Variants in ATF2 observed in about 807,000 individuals in gnomAD.
The protein encoded by ATF2 is cyclic AMP-dependent transcription factor ATF-2.
A neutral mutation model predicts 60.6 loss-of-function variants in ATF2; 24 were observed. That is an observed-to-expected ratio of 0.40 (90% CI 0.29 to 0.56). The LOEUF (loss-of-function observed/expected upper bound fraction) is 0.56. Among genes scored for constraint, ATF2 ranks in the 20% least tolerant of loss-of-function variants. The probability of loss-of-function intolerance (pLI) is 0.54; values close to 1 mark genes in which losing one functional copy is unlikely to be tolerated. For missense variants in ATF2, 433 were observed against 607.7 expected (o/e 0.71, Z 3.02); for synonymous variants, 206 against 215.4 (o/e 0.96, Z 0.38).
chr2:175,145,132 GTCA>G (rs1214057665), intron 2 of ATF2, among the ~76,000 whole-genome samples: 1 of 152,158 alleles, frequency 6.6e-6, no homozygotes, highest in East Asian at 1.9e-4. Flanking sequence ...CGCATATGTG[GTCA>G]TGTAGGTCCC....
chr2:175,101,335 G>A (rs943676504), intron 10 of ATF2, among the ~76,000 whole-genome samples: 3 of 152,144 alleles, frequency 2.0e-5, no homozygotes, highest in Non-Finnish European at 4.4e-5. Context: ...CAAAGGGAGA[G>A]AGTCTTGGGA....
chr2:175,087,898 C>T (rs1456330137), intron 12 of ATF2, among the ~76,000 whole-genome samples: 4 of 152,176 alleles, frequency 2.6e-5, no homozygotes, highest in Admixed American at 1.3e-4. Flanking sequence ...CCTATTCTCA[C>T]ACTTTAATTA....
chr2:175,151,311 T>C (rs1211711255), intron 1 of ATF2, among the ~76,000 whole-genome samples, 153 bp from the exon 2 acceptor site: 2 of 152,184 alleles, frequency 1.3e-5, no homozygotes, highest in Admixed American at 6.5e-5. Context: ...TCCATGTTTT[T>C]CAATATAAAA....
intron 1 of ATF2, among the ~76,000 whole-genome samples, chr2:175,158,234 ATT>A (rs34664149): frequency 6.7e-4 from 89 of 132,612 alleles, no homozygotes; most frequent in Admixed American, 7.7e-4. Flanking sequence ...TGAATTCAGG[ATT>A]TTTTTTTTTT....
chr2:175,127,822 A>T (rs913306453), intron 4 of ATF2, among the ~76,000 whole-genome samples: 1 of 152,204 alleles, frequency 6.6e-6, no homozygotes, highest in African/African-American at 2.4e-5. Context: ...AAATTGCATT[A>T]ACCCTGATAA....
At chr2:175,146,604 T>C (rs1698969079) in intron 2 of ATF2, among the ~76,000 whole-genome samples, 1 of 150,128 alleles carries the variant, frequency 6.7e-6, no homozygotes, top group African/African-American at 2.5e-5. Context: ...TGGTTTCAGT[T>C]ACCCACAGTC....
At chr2:175,086,877 A>G (rs953382097) in intron 12 of ATF2, among the ~76,000 whole-genome samples, 2 of 152,206 alleles carry the variant, frequency 1.3e-5, no homozygotes, top group African/African-American at 4.8e-5. Flanking sequence ...CTTTCTATTA[A>G]GAAAGATCAG....
chr2:175,134,369 A>G (rs1295024704), intron 3 of ATF2, among the ~76,000 whole-genome samples: 1 of 151,742 alleles, frequency 6.6e-6, no homozygotes, highest in African/African-American at 2.4e-5. Context: ...ACCCACAGAT[A>G]TTGAGGAACA....
intron 10 of ATF2, among the ~76,000 whole-genome samples, chr2:175,104,570 G>A (rs574121856): frequency 6.6e-6 from 1 of 152,186 alleles, no homozygotes; most frequent in Non-Finnish European, 1.5e-5. Flanking sequence ...GGAGAATGTG[G>A]ACTTGGAGTT....
intron 2 of ATF2, among the ~76,000 whole-genome samples, chr2:175,141,461 G>C (rs1698529077): frequency 6.6e-6 from 1 of 152,028 alleles, no homozygotes; most frequent in African/African-American, 2.4e-5. Context: ...GGTTCTGGTA[G>C]AATCAACATA....
chr2:175,150,709 C>T (rs1699256375), intron 2 of ATF2, among the ~76,000 whole-genome samples: 1 of 152,230 alleles, frequency 6.6e-6, no homozygotes, highest in Middle Eastern at 3.4e-3. Context: ...GAAAATACCT[C>T]AGATTAGTTT....
intron 2 of ATF2, among the ~76,000 whole-genome samples, chr2:175,147,322 A>G (rs1252882014): frequency 1.3e-5 from 2 of 152,216 alleles, no homozygotes; most frequent in Non-Finnish European, 2.9e-5. Flanking sequence ...CAAATGAGGA[A>G]AGCAATTCAC....
intron 10 of ATF2, among the ~76,000 whole-genome samples, chr2:175,105,859 A>C (rs1695620664): frequency 6.6e-6 from 1 of 152,204 alleles, no homozygotes; most frequent in Admixed American, 6.5e-5. Context: ...AAGCCTTGAA[A>C]TATTTGGAAA....
At chr2:175,078,718 T>G (rs1286087764) in intron 13 of ATF2, among the ~76,000 whole-genome samples, 1 of 152,224 alleles carries the variant, frequency 6.6e-6, no homozygotes, top group South Asian at 2.1e-4. Context: ...TCACCACTGT[T>G]AGCAAGAGCT....
intron 4 of ATF2, among the ~76,000 whole-genome samples, chr2:175,128,201 A>T (rs1255656521): frequency 1.3e-5 from 2 of 152,208 alleles, no homozygotes; most frequent in Non-Finnish European, 2.9e-5. Flanking sequence ...CGTATTTTTT[A>T]AAAACTTAGC....
At chr2:175,117,717 AAC>A (rs955172273) in intron 7 of ATF2, among the ~76,000 whole-genome samples, 3 of 152,100 alleles carry the variant, frequency 2.0e-5, no homozygotes, top group African/African-American at 4.8e-5. Context: ...AAAATAGCAA[AAC>A]ACAGAAAAAT....
chr2:175,108,595 G>A (rs550376861), intron 10 of ATF2, among the ~76,000 whole-genome samples: 2 of 151,258 alleles, frequency 1.3e-5, no homozygotes, highest in Admixed American at 6.6e-5. Flanking sequence ...CCGTCCGGGA[G>A]GTGGGGGGCG....
intron 2 of ATF2, among the ~76,000 whole-genome samples, chr2:175,142,281 G>A (rs542831317): frequency 6.6e-6 from 1 of 151,584 alleles, no homozygotes; most frequent in African/African-American, 2.4e-5. Flanking sequence ...CGCCTGCCAG[G>A]TTCAAGCCTC....
intron 12 of ATF2, chr2:175,092,351 G>A (rs1055391780): frequency 6.3e-6 from 1 of 157,906 alleles, no homozygotes; most frequent in Admixed American, 6.5e-5. Context: ...TTATCAGTTG[G>A]CAGTTTAAGA....
Sources: allele counts gnomAD v4.1 joint callset (sites outside exome capture counted in the v4.1 genomes callset), GRCh38; gene constraint gnomAD v4.1.1; transcripts MANE v1.5; gene names NCBI Gene and HGNC (gene_info 2026-07-23, HGNC 2026-07-21).